The following TERB1 variants were observed in gnomAD, a reference collection of about 807,000 sequenced individuals.
The protein encoded by TERB1 is telomere repeats-binding bouquet formation protein 1.
TERB1 carries 63 observed loss-of-function variants against 92.3 expected under a neutral mutation model. That is an observed-to-expected ratio of 0.68 (90% CI 0.56 to 0.84). The LOEUF is 0.84. TERB1 is among the 40% of genes least tolerant of loss of function. The pLI, the probability that TERB1 is intolerant of heterozygous loss-of-function variation, is 0.00. For synonymous variants in TERB1, 252 were observed against 283.9 expected, an observed-to-expected ratio of 0.89 and a Z score of 1.13; for missense variants, 709 against 843.7, an observed-to-expected ratio of 0.84 and a Z score of 1.98.
chr16:66,772,178 C>G (rs1249706488), intron 13 of TERB1, among the ~76,000 whole-genome samples: 1 of 151,990 alleles, frequency 6.6e-6, no homozygotes, highest in Admixed American at 6.6e-5. Context: ...ACCCTCCAAC[C>G]TCTACTGTTA....
intron 12 of TERB1, among the ~76,000 whole-genome samples, chr16:66,774,330 C>T (rs1418964953): frequency 6.6e-6 from 1 of 151,788 alleles, no homozygotes; most frequent in African/African-American, 2.4e-5. Flanking sequence ...GGACTACAGG[C>T]GTCTGCCAAC....
rs539989907 is a variant in TERB1, at chr16:66,767,981, G to T, written c.1684+123C>A. On this transcript the variant is annotated intron_variant, in intron 15 of 18. Transcript: ENST00000433154. ...GACCTCAGCTGATCTGCCCACCTAG[G>T]CCTCCCAAAGTGCTGGGATTACAGG... 2.8e-4 allele frequency: 210 copies of T among 741,074 alleles called. 4 individuals are homozygous for T. The African/African-American group carries it at 3.3e-3, about 12-fold the overall frequency. The allele number at this position is 741,074 out of a possible 1,614,324, so 45.9% of individuals were successfully genotyped here.
At chr16:66,763,248 GAC>G (rs2018282757) in intron 16 of TERB1, among the ~76,000 whole-genome samples, 1 of 152,074 alleles carries the variant, frequency 6.6e-6, no homozygotes, top group Non-Finnish European at 1.5e-5. Flanking sequence ...TGGAACTACA[GAC>G]ACACGCACCA....
chr16:66,795,995 C>G (rs969622084), intron 3 of TERB1, among the ~76,000 whole-genome samples: 2 of 152,202 alleles, frequency 1.3e-5, no homozygotes, highest in African/African-American at 4.8e-5. Flanking sequence ...AGTGATCCCC[C>G]ACTTTGGCCT....
intron 9 of TERB1, among the ~76,000 whole-genome samples, chr16:66,781,050 A>C (rs1159458552): frequency 1.3e-5 from 2 of 152,104 alleles, no homozygotes; most frequent in Non-Finnish European, 2.9e-5. Context: ...TTATTTCTTG[A>C]GCATTTTTTT....
At chr16:66,791,185 C>A (rs567905957) in intron 3 of TERB1, among the ~76,000 whole-genome samples, 166 bp from the exon 4 acceptor site, 31 of 151,924 alleles carry the variant, frequency 2.0e-4, no homozygotes, top group African/African-American at 7.5e-4. Context: ...TAAAAATGTT[C>A]TTTAAATAAA....
intron 14 of TERB1, among the ~76,000 whole-genome samples, chr16:66,769,357 C>T (rs74736226): frequency 2.0e-5 from 3 of 152,104 alleles, no homozygotes; most frequent in East Asian, 1.9e-4. Context: ...TCAACCTGCC[C>T]GAAATGTAGC....
rs1168904056 is a variant in TERB1 at position 66,789,583 on chromosome 16, C to CAAAAAAA, written c.271+1005_271+1011dup. Among the ~76,000 whole-genome samples the CAAAAAAA allele has an allele frequency of 5.8e-3, 33 of 5,662 alleles. 14 individuals are homozygous for CAAAAAAA. Among genetic ancestry groups the CAAAAAAA allele is most frequent in the Non-Finnish European group, 7.0e-3 (31 of 4,450 alleles). The allele number at this position is 5,662 out of a possible 152,430, so 3.7% of individuals were successfully genotyped here. On this transcript the variant is annotated intron_variant, in intron 5 of 18. Transcript: ENST00000433154. Reference sequence around the variant, plus strand: ...TGGGCGACAGAGCGAGACTCCGTCTCAAAAAAAAAAAAAAAAAAAAAAAAA... The same window carrying CAAAAAAA: ...TGGGCGACAGAGCGAGACTCCGTCTCAAAAAAAAAAAAAAAAAAAAAAAAAAAAAAAA...
At chr16:66,769,623 G>C (rs2018409331) in intron 14 of TERB1, among the ~76,000 whole-genome samples, 1 of 152,184 alleles carries the variant, frequency 6.6e-6, no homozygotes, top group African/African-American at 2.4e-5. Flanking sequence ...TGCACGCATT[G>C]TTACTTCAAG....
At chr16:66,771,188 T>C (rs575261584) in intron 13 of TERB1, among the ~76,000 whole-genome samples, 1 of 152,144 alleles carries the variant, frequency 6.6e-6, no homozygotes, top group African/African-American at 2.4e-5. Flanking sequence ...AAAGGAAATA[T>C]TAATAGCTCT....
chr16:66,761,020 G>C (rs547271601), intron 16 of TERB1, among the ~76,000 whole-genome samples: 1 of 141,498 alleles, frequency 7.1e-6, no homozygotes, highest in East Asian at 2.1e-4. Context: ...GCTGAGGCAG[G>C]AGAATCGCTT....
intron 6 of TERB1, 34 bp from the exon 7 acceptor site, chr16:66,786,319 T>C: frequency 1.4e-6 from 2 of 1,402,654 alleles, no homozygotes; most frequent in Non-Finnish European, 2.0e-6. Flanking sequence ...ATATGAGTTT[T>C]ATTTACAAAT....
chr16:66,794,815 C>T (rs1286209756), intron 3 of TERB1, among the ~76,000 whole-genome samples: 3 of 151,606 alleles, frequency 2.0e-5, no homozygotes, highest in Non-Finnish European at 4.4e-5. Context: ...GAGGCTGAAG[C>T]AGGAGAATGG....
At chr16:66,757,193 T>C (rs1468469354) in intron 18 of TERB1, among the ~76,000 whole-genome samples, 1 of 152,150 alleles carries the variant, frequency 6.6e-6, no homozygotes, top group African/African-American at 2.4e-5. Flanking sequence ...TTCTAAAAAG[T>C]AGGCCAGATT....
intron 9 of TERB1, among the ~76,000 whole-genome samples, chr16:66,781,519 C>CTTTTTTTTT (rs34191078): frequency 8.3e-6 from 1 of 121,172 alleles, no homozygotes; most frequent in Non-Finnish European, 1.7e-5. Context: ...GGTACAAATT[C>CTTTTTTTTT]TTTTTTTTTT....
chr16:66,780,146 C>T (rs1219965047), intron 9 of TERB1, among the ~76,000 whole-genome samples: 3 of 152,166 alleles, frequency 2.0e-5, no homozygotes, highest in Admixed American at 6.5e-5. Context: ...GGATTACAGG[C>T]GTGAGCCATG....
chr16:66,779,123 TA>T, intron 9 of TERB1, 108 bp from the exon 10 acceptor site: 1 of 810,144 alleles, frequency 1.2e-6, no homozygotes. Flanking sequence ...AAATACTTTC[TA>T]AAAATCCCAA....
intron 15 of TERB1, 74 bp downstream of exon 15, chr16:66,768,030 T>C: frequency 8.5e-7 from 1 of 1,177,332 alleles, no homozygotes; most frequent in Non-Finnish European, 1.2e-6. Context: ...ACCCAGTCAA[T>C]GTGCATTTTT....
intron 9 of TERB1, among the ~76,000 whole-genome samples, chr16:66,782,282 GCT>G (rs1263211621): frequency 6.6e-6 from 1 of 152,140 alleles, no homozygotes; most frequent in Non-Finnish European, 1.5e-5. Context: ...AGGTGCGGTG[GCT>G]CATGCCTGTA....
Sources: allele counts gnomAD v4.1 joint callset (sites outside exome capture counted in the v4.1 genomes callset), GRCh38; gene constraint gnomAD v4.1.1; transcripts MANE v1.5; gene names NCBI Gene and HGNC (gene_info 2026-07-23, HGNC 2026-07-21).